HFM1: variants seen among roughly 807,000 people sequenced by gnomAD.
HFM1 encodes probable ATP-dependent DNA helicase HFM1.
HFM1 carries 169 observed loss-of-function variants against 192.1 expected under a neutral mutation model. That is an observed-to-expected ratio of 0.88 (90% CI 0.78 to 1.00). HFM1 has a LOEUF of 1.00. HFM1 is among the 50% of genes least tolerant of loss of function. The probability of loss-of-function intolerance (pLI) is 0.00; values close to 1 mark genes in which losing one functional copy is unlikely to be tolerated. For synonymous variants in HFM1, 525 were observed against 537.8 expected (o/e 0.98, Z 0.33); for missense variants, 1,661 against 1,668.0 (o/e 1.00, Z 0.07).
rs115419641 is a variant in HFM1 at position 91,325,435 on chromosome 1, A to G, written c.2336-669T>C. Among the ~76,000 whole-genome samples, 678 of 152,288 alleles carry G rather than the reference A, an allele frequency of 4.5e-3. 3 individuals are homozygous for G. The highest frequency in any genetic ancestry group is 7.0e-3 in the Non-Finnish European group (474 of 68,012). ...GAGTGCTTACATCAGCATAGCCCCA[A>G]TTCCAAGTGGCTCAGCACAGAGAGA... On this transcript the variant is annotated intron_variant, in intron 20 of 38. Transcript: ENST00000370425.
chr1:91,358,567 T>A (rs1293743595), intron 13 of HFM1, among the ~76,000 whole-genome samples: 1 of 152,128 alleles, frequency 6.6e-6, no homozygotes, highest in East Asian at 1.9e-4. Flanking sequence ...CTTCTATAAA[T>A]GAGGCTGGAA....
At chr1:91,375,767 A>G in intron 11 of HFM1, 40 bp from the exon 12 acceptor site, 1 of 1,580,664 alleles carries the variant, frequency 6.3e-7, no homozygotes. Context: ...ATTTTCTTCT[A>G]GTAAAGTTTT....
chr1:91,304,824 G>C (rs1011026716), intron 30 of HFM1, among the ~76,000 whole-genome samples: 1 of 151,924 alleles, frequency 6.6e-6, no homozygotes, highest in African/African-American at 2.4e-5. Flanking sequence ...GATTCATTTT[G>C]AGTTAATTTT....
At chr1:91,270,224 A>T (rs1056650038) in intron 34 of HFM1, among the ~76,000 whole-genome samples, 1 of 152,150 alleles carries the variant, frequency 6.6e-6, no homozygotes, top group Admixed American at 6.6e-5. Flanking sequence ...AATATGAGAG[A>T]TGTGCAGGAG....
rs755531142 is a variant in HFM1 at position 91,379,043 on chromosome 1, A to C, written c.1158+20T>G. 2 of 1,424,940 alleles carry C rather than the reference A, an allele frequency of 1.4e-6. No homozygotes were observed. Among genetic ancestry groups the C allele is most frequent in the East Asian group, 5.2e-5 (2 of 38,728 alleles). The allele number at this position is 1,424,940 out of a possible 1,614,324, so 88.3% of individuals were successfully genotyped here. ...TTTTCTAACAAACTAAAGAAATCAT[A>C]AAGTATAAATAATACCTACTGGAGT... On this transcript the variant is annotated intron_variant, in intron 9 of 38. Coordinates refer to ENST00000370425, the MANE Select transcript of HFM1 (RefSeq NM_001017975.6).
chr1:91,394,544 C>T, intron 3 of HFM1, 142 bp from the exon 4 acceptor site: 1 of 570,390 alleles, frequency 1.8e-6, no homozygotes. Flanking sequence ...ATCTGTAATA[C>T]CATATACGGT....
Position 91,315,953 on chromosome 1 carries a change from G to C in HFM1, c.3002C>G (p.Thr1001Arg). 6.3e-7 allele frequency: 1 copy of C among 1,588,782 alleles called. No homozygotes were observed. The change falls in exon 28 of 39, where the codon ACG becomes AGG. Residue 1001 changes from threonine to arginine, a missense_variant. Transcript: ENST00000370425. ...KVEQITRYSD[T>R]TAEILVTVIL... Reference sequence around the variant, plus strand: ...AACAGTCACTAATATTTCTGCCGTCGTATCACTATATCTTGTAATCTTTAA... The same window carrying C: ...AACAGTCACTAATATTTCTGCCGTCCTATCACTATATCTTGTAATCTTTAA...
intron 2 of HFM1, 59 bp from the exon 3 acceptor site, chr1:91,396,464 ATG>A: frequency 1.2e-6 from 1 of 860,666 alleles, no homozygotes; most frequent in Non-Finnish European, 1.8e-6. Context: ...ATGAGAAGCT[ATG>A]TGTTTATTAA....
chr1:91,318,722 C>T (rs1253098654), intron 25 of HFM1, among the ~76,000 whole-genome samples: 2 of 152,112 alleles, frequency 1.3e-5, no homozygotes, highest in African/African-American at 4.8e-5. Context: ...GCTAACTCCA[C>T]CTTGTAATTG....
chr1:91,403,049 C>T (rs1664470147), intron 1 of HFM1, among the ~76,000 whole-genome samples: 1 of 9,594 alleles, frequency 1.0e-4, no homozygotes, highest in African/African-American at 4.1e-4. Flanking sequence ...TTCTTATATA[C>T]TCCTGTGAAA....
chr1:91,403,351 G>T (rs892365122), intron 1 of HFM1, among the ~76,000 whole-genome samples: 1 of 152,054 alleles, frequency 6.6e-6, no homozygotes, highest in African/African-American at 2.4e-5. Flanking sequence ...TAAAATTTGA[G>T]CCCCAATCTT....
chr1:91,401,517 TAGGACAGCAC>T (rs1167080799), intron 1 of HFM1, among the ~76,000 whole-genome samples: 2 of 152,198 alleles, frequency 1.3e-5, no homozygotes, highest in Non-Finnish European at 2.9e-5. Flanking sequence ...ATTTTCAAGT[TAGGACAGCAC>T]ATTTTATTGT....
chr1:91,331,707 C>G (rs372338389), intron 20 of HFM1, among the ~76,000 whole-genome samples: 30 of 152,200 alleles, frequency 2.0e-4, no homozygotes, highest in African/African-American at 5.8e-4. Flanking sequence ...ACTAGCCTGG[C>G]CAACATGGCG....
chr1:91,381,091 G>GT, intron 6 of HFM1, 109 bp from the exon 7 acceptor site: 2 of 622,076 alleles, frequency 3.2e-6, no homozygotes, highest in Non-Finnish European at 5.8e-6. Flanking sequence ...TAATGATGAG[G>GT]TTTTAACATT....
intron 30 of HFM1, among the ~76,000 whole-genome samples, chr1:91,283,642 G>A (rs1667664699): frequency 6.6e-6 from 1 of 151,948 alleles, no homozygotes; most frequent in Admixed American, 6.6e-5. Context: ...TCATAGTTTT[G>A]CCACATATTG....
At chr1:91,287,254 T>A (rs1668100928) in intron 30 of HFM1, among the ~76,000 whole-genome samples, 1 of 152,220 alleles carries the variant, frequency 6.6e-6, no homozygotes, top group South Asian at 2.1e-4. Flanking sequence ...CAGACTTAAA[T>A]GTCCCTGTCT....
At chr1:91,351,678 G>A (rs1656954909) in intron 16 of HFM1, 35 bp from the exon 17 acceptor site, 1 of 1,150,268 alleles carries the variant, frequency 8.7e-7, no homozygotes, top group Non-Finnish European at 1.3e-6. Flanking sequence ...TAGTGAAGAA[G>A]AGCACATCTT....
chr1:91,394,367 A>T lies in HFM1; in HGVS notation c.220T>A (p.Leu74Ile), dbSNP rs1663389513. 6.4e-7 allele frequency: 1 copy of T among 1,556,810 alleles called. No individual in the cohort carries two copies. The highest frequency in any genetic ancestry group is 8.8e-7 in the Non-Finnish European group (1 of 1,135,680). Residue 74 changes from leucine to isoleucine, a missense_variant, in exon 4 of 39, where the codon TTA becomes ATA. By Grantham distance (5) the Leu-to-Ile change is conservative. Transcript: ENST00000370425. The part of the protein sequence containing the change: ...EKRPKMLTSN[L>I]KITNEDTNYI... ...TTTGTATCTTCATTAGTTATCTTTA[A>T]ATTTGATGTTAACATTTTTGGCCTC...
chr1:91,283,789 T>C (rs922177093), intron 30 of HFM1, among the ~76,000 whole-genome samples: 9 of 152,244 alleles, frequency 5.9e-5, no homozygotes, highest in Admixed American at 5.2e-4. Flanking sequence ...GGGGCAAGGG[T>C]CACTTCTTTA....
Sources: gnomAD v4.1 joint callset for allele counts (sites outside exome capture counted in the v4.1 genomes callset) on GRCh38, gnomAD v4.1.1 for gene constraint, MANE v1.5 for transcripts, NCBI Gene and HGNC (gene_info 2026-07-23, HGNC 2026-07-21) for gene names.